PTPRR: variants seen among roughly 807,000 people sequenced by gnomAD.
The protein encoded by PTPRR is receptor-type tyrosine-protein phosphatase R.
A neutral mutation model predicts 77.2 loss-of-function variants in PTPRR; 38 were observed. The observed-to-expected ratio is 0.49, with a 90% CI of 0.38 to 0.65. The LOEUF is 0.65. Among genes scored for constraint, PTPRR ranks in the 30% least tolerant of loss-of-function variants. The pLI is 0.00. For synonymous variants in PTPRR, 299 were observed against 283.1 expected, an observed-to-expected ratio of 1.06 and a Z score of -0.57; for missense variants, 744 against 799.2, an observed-to-expected ratio of 0.93 and a Z score of 0.83.
chr12:70,865,515 T>C (rs535288423), intron 2 of PTPRR, among the ~76,000 whole-genome samples: 1 of 152,098 alleles, frequency 6.6e-6, no homozygotes, highest in South Asian at 2.1e-4. Flanking sequence ...TAGGTGTTGG[T>C]GGATTAAAGG....
At chr12:70,861,927 T>C (rs1892759906) in intron 2 of PTPRR, among the ~76,000 whole-genome samples, 1 of 152,122 alleles carries the variant, frequency 6.6e-6, no homozygotes, top group African/African-American at 2.4e-5. Flanking sequence ...ATGGAGCAAA[T>C]GCTCAGATGG....
intron 10 of PTPRR, among the ~76,000 whole-genome samples, chr12:70,668,345 C>T (rs1050663555): frequency 4.6e-5 from 7 of 152,094 alleles, no homozygotes; most frequent in Non-Finnish European, 1.0e-4. Context: ...AGTTGCCTTC[C>T]TGTGCCTCAG....
At chr12:70,830,535 A>T (rs1473429680) in intron 2 of PTPRR, among the ~76,000 whole-genome samples, 4 of 152,260 alleles carry the variant, frequency 2.6e-5, no homozygotes, top group African/African-American at 7.2e-5. Flanking sequence ...AAAGTCTGTC[A>T]TCAGTATTCT....
intron 12 of PTPRR, among the ~76,000 whole-genome samples, chr12:70,657,787 C>T (rs919261014): frequency 4.6e-5 from 7 of 152,146 alleles, no homozygotes; most frequent in African/African-American, 1.7e-4. Flanking sequence ...TTCTCACCTC[C>T]CACATCCAAT....
At chr12:70,784,319 C>T (rs886799349) in intron 2 of PTPRR, among the ~76,000 whole-genome samples, 2 of 152,208 alleles carry the variant, frequency 1.3e-5, no homozygotes, top group Admixed American at 1.3e-4. Flanking sequence ...ATCCCAGTTC[C>T]GCAGGCTCCA....
At chr12:70,710,433 C>G (rs1888784672) in intron 6 of PTPRR, among the ~76,000 whole-genome samples, 1 of 151,916 alleles carries the variant, frequency 6.6e-6, no homozygotes, top group Admixed American at 6.6e-5. Context: ...TGTAAAAACC[C>G]AAACTATAAA....
intron 10 of PTPRR, chr12:70,672,200 G>A: frequency 6.4e-7 from 1 of 1,567,912 alleles, no homozygotes; most frequent in Non-Finnish European, 8.7e-7. Flanking sequence ...ACCATGGTTG[G>A]AAGTGACCTC....
intron 6 of PTPRR, among the ~76,000 whole-genome samples, chr12:70,730,804 A>G (rs926637256): frequency 1.3e-5 from 2 of 150,220 alleles, no homozygotes; most frequent in African/African-American, 2.4e-5. Context: ...AGCTTGGGGG[A>G]GAGAGAGAGA....
Position 70,834,680 on chromosome 12 carries a change from G to A in PTPRR, c.357+57999C>T, listed in dbSNP as rs539609223. Among the ~76,000 whole-genome samples, 10 of 152,174 alleles carry A rather than the reference G, an allele frequency of 6.6e-5. No homozygotes were observed. In the South Asian group the frequency reaches 1.9e-3, roughly 28 times the overall value. ...CTAGGACACAGCAGGCACTCAATATGTAATTATTGAATAGTAGAAGGAAGT... is the reference window on the plus strand; with the variant it reads ...CTAGGACACAGCAGGCACTCAATATATAATTATTGAATAGTAGAAGGAAGT... On this transcript the variant is annotated intron_variant, in intron 2 of 13. Coordinates refer to ENST00000283228, the MANE Select transcript of PTPRR (RefSeq NM_002849.4).
rs986070404 is a variant in PTPRR at position 70,853,294 on chromosome 12, T to C, written c.357+39385A>G. Among the ~76,000 whole-genome samples, 6 of 152,234 alleles carry C rather than the reference T, an allele frequency of 3.9e-5. No individual in the cohort carries two copies. The South Asian group carries it at 1.2e-3, about 31-fold the overall frequency. ...ATCTAATAATTAAATAATCTGTTCA[T>C]GTCATCACATGGCTGGTAGTGGGAA... On this transcript the variant is annotated intron_variant, in intron 2 of 13. Coordinates refer to ENST00000283228, the MANE Select transcript of PTPRR (RefSeq NM_002849.4).
intron 8 of PTPRR, among the ~76,000 whole-genome samples, chr12:70,694,145 TA>T (rs1416228313): frequency 1.3e-5 from 2 of 152,208 alleles, no homozygotes; most frequent in Non-Finnish European, 2.9e-5. Context: ...CTTGTTGCTT[TA>T]ATGAGTGGTT....
At chr12:70,657,429 A>T (rs1886625984) in intron 12 of PTPRR, among the ~76,000 whole-genome samples, 2 of 152,248 alleles carry the variant, frequency 1.3e-5, no homozygotes, top group Admixed American at 1.3e-4. Context: ...AATTGAACAG[A>T]AATGATGTCT....
rs892257668 is a variant in PTPRR, at chr12:70,849,454, A to G, written c.357+43225T>C. Reference sequence around the variant, plus strand: ...GTAGTTGCCAAAAATAAGAGTGGAGATTGACAGTGGATTTTTTCAACTCAA... The same window carrying G: ...GTAGTTGCCAAAAATAAGAGTGGAGGTTGACAGTGGATTTTTTCAACTCAA... On this transcript the variant is annotated intron_variant, in intron 2 of 13. Coordinates refer to ENST00000283228, the MANE Select transcript of PTPRR (RefSeq NM_002849.4). 9.2e-5 allele frequency among the ~76,000 whole-genome samples: 14 copies of G among 152,284 alleles called. No homozygotes were observed. In the East Asian group the frequency reaches 2.7e-3, roughly 29 times the overall value.
At chr12:70,680,390 G>A (rs927894742) in intron 10 of PTPRR, among the ~76,000 whole-genome samples, 1 of 152,172 alleles carries the variant, frequency 6.6e-6, no homozygotes, top group East Asian at 1.9e-4. Flanking sequence ...CTTTTGAAGG[G>A]AATGACTTTC....
At chr12:70,723,275 G>A (rs1238660702) in intron 6 of PTPRR, among the ~76,000 whole-genome samples, 1 of 151,658 alleles carries the variant, frequency 6.6e-6, no homozygotes, top group Admixed American at 6.6e-5. Context: ...TTAAATCAAG[G>A]CACATCACCA....
At chr12:70,876,961 G>T (rs746817887) in intron 2 of PTPRR, among the ~76,000 whole-genome samples, 1 of 152,224 alleles carries the variant, frequency 6.6e-6, no homozygotes, top group African/African-American at 2.4e-5. Context: ...AAGAGTAGCA[G>T]TTGGGTGTCT....
chr12:70,745,724 A>T (rs1890190203), intron 6 of PTPRR, 94 bp downstream of exon 6: 3 of 1,394,386 alleles, frequency 2.2e-6, no homozygotes, highest in Admixed American at 2.2e-5. Flanking sequence ...AATTCTACCC[A>T]ATTATGTCAA....
chr12:70,711,633 CTTTAT>C (rs950469297), intron 6 of PTPRR, among the ~76,000 whole-genome samples: 4 of 151,918 alleles, frequency 2.6e-5, no homozygotes, highest in Admixed American at 2.0e-4. Flanking sequence ...AAAAAGAGCC[CTTTAT>C]TTTAATTCCA....
chr12:70,662,370 C>G, intron 11 of PTPRR, 125 bp downstream of exon 11: 1 of 544,212 alleles, frequency 1.8e-6, no homozygotes, highest in Non-Finnish European at 3.2e-6. Context: ...ATTATAGTTT[C>G]TCTTTGATCT....
Sources: allele counts gnomAD v4.1 joint callset (sites outside exome capture counted in the v4.1 genomes callset), GRCh38; gene constraint gnomAD v4.1.1; transcripts MANE v1.5; gene names NCBI Gene and HGNC (gene_info 2026-07-23, HGNC 2026-07-21).